The following ERP44 variants were observed in gnomAD, a reference collection of about 807,000 sequenced individuals.
ERP44 encodes the protein endoplasmic reticulum resident protein 44.
A neutral mutation model predicts 53.4 loss-of-function variants in ERP44; 25 were observed. That is an observed-to-expected ratio of 0.47 (90% CI 0.34 to 0.65). ERP44 has a LOEUF of 0.65. Among genes scored for constraint, ERP44 ranks in the 30% least tolerant of loss-of-function variants. ERP44 has a pLI of 0.01. For synonymous variants in ERP44, 145 were observed against 161.2 expected (o/e 0.90, Z 0.76); for missense variants, 338 against 493.2 (o/e 0.69, Z 2.98).
intron 11 of ERP44, 140 bp downstream of exon 11, chr9:99,984,827 G>GAAATTAA: frequency 1.8e-6 from 1 of 552,818 alleles, no homozygotes; most frequent in Non-Finnish European, 3.2e-6. Flanking sequence ...AATTTAAAAG[G>GAAATTAA]TTAATTTCTA....
At chr9:100,029,738 A>C (rs939571588) in intron 4 of ERP44, among the ~76,000 whole-genome samples, 40 of 152,230 alleles carry the variant, frequency 2.6e-4, no homozygotes, top group African/African-American at 8.4e-4. Flanking sequence ...CTGCAGCACT[A>C]TTTACAATAG....
intron 1 of ERP44, among the ~76,000 whole-genome samples, chr9:100,098,408 T>C (rs560163772): frequency 6.6e-6 from 1 of 152,122 alleles, no homozygotes; most frequent in Non-Finnish European, 1.5e-5. Context: ...GACCTCACAC[T>C]CTTCCCAAAT....
At chr9:100,015,778 C>T (rs189694327) in intron 8 of ERP44, among the ~76,000 whole-genome samples, 3 of 152,304 alleles carry the variant, frequency 2.0e-5, no homozygotes, top group Non-Finnish European at 1.5e-5. Flanking sequence ...CGGGATGAAA[C>T]TGTTCCACCT....
chr9:100,070,836 A>G (rs1007728775), intron 1 of ERP44, among the ~76,000 whole-genome samples: 1 of 152,200 alleles, frequency 6.6e-6, no homozygotes, highest in Non-Finnish European at 1.5e-5. Context: ...ATGATAGCCT[A>G]TCTTCATTTG....
At chr9:100,057,789 A>C in intron 3 of ERP44, 31 bp downstream of exon 3, 2 of 1,578,162 alleles carry the variant, frequency 1.3e-6, no homozygotes, top group Non-Finnish European at 1.7e-6. Context: ...AAGTAAAAAC[A>C]AAACCAAACC....
At chr9:99,997,687 G>C (rs1255342343) in intron 10 of ERP44, among the ~76,000 whole-genome samples, 2 of 152,110 alleles carry the variant, frequency 1.3e-5, no homozygotes, top group East Asian at 3.9e-4. Context: ...TCCAAAGACT[G>C]TGAAACCATT....
At chr9:100,079,779 T>C (rs534928124) in intron 1 of ERP44, among the ~76,000 whole-genome samples, 1 of 151,794 alleles carries the variant, frequency 6.6e-6, no homozygotes, top group African/African-American at 2.4e-5. Flanking sequence ...ACTGTAAACA[T>C]AAAAAATTAA....
intron 10 of ERP44, chr9:99,998,203 G>A (rs1830334575): frequency 9.0e-6 from 2 of 221,020 alleles, no homozygotes; most frequent in South Asian, 8.0e-5. Flanking sequence ...CCAGTTTCCT[G>A]GTAAGGAGTA....
chr9:100,023,265 C>T (rs902452830), intron 4 of ERP44, among the ~76,000 whole-genome samples: 1 of 151,662 alleles, frequency 6.6e-6, no homozygotes, highest in Non-Finnish European at 1.5e-5. Flanking sequence ...ATTGGTACTA[C>T]AAATTGAGAA....
At chr9:100,013,435 A>AC (rs796182357) in intron 8 of ERP44, among the ~76,000 whole-genome samples, 2,808 of 149,510 alleles carry the variant, frequency 0.019, 85 homozygotes, top group Admixed American at 0.069. Context: ...AAAAAAAAAA[A>AC]AAAGAATTAT....
chr9:100,004,797 T>G (rs1301076481), intron 10 of ERP44, among the ~76,000 whole-genome samples: 3 of 152,198 alleles, frequency 2.0e-5, no homozygotes, highest in Non-Finnish European at 4.4e-5. Flanking sequence ...TGGATGTATG[T>G]TCAACTTGAT....
At chr9:100,061,054 A>G (rs1048477908) in intron 1 of ERP44, among the ~76,000 whole-genome samples, 3 of 152,232 alleles carry the variant, frequency 2.0e-5, no homozygotes, top group African/African-American at 7.2e-5. Flanking sequence ...CACTTATGAC[A>G]GACTCAAAAC....
Position 99,979,246 on chromosome 9 carries a change from A to AC in ERP44, c.*3365dup, listed in dbSNP as rs397760040. The stretch of plus-strand genomic sequence containing the variant: ...CATATCTCCTTGTAGGAGAAAAAAA[A>AC]CTGAGTTATTCTGTTCTTCCTGATT... On this transcript the variant is annotated 3_prime_UTR_variant, in exon 12 of 12. Transcript: ENST00000262455. 2 of 150,920 alleles carry AC rather than the reference A, an allele frequency of 1.3e-5. No individual in the cohort carries two copies. The highest frequency in any genetic ancestry group is 3.0e-5 in the Non-Finnish European group (2 of 67,646). The allele number at this position is 150,920 out of a possible 1,614,324, so 9.3% of individuals were successfully genotyped here. A position where few individuals can be genotyped will look rare whatever the true frequency, so the allele number is the denominator to read the frequency against.
At position 100,049,248 on chromosome 9, in the gene ERP44, A is replaced by C. The variant is rs1264816508; in HGVS notation, c.286+3169T>G. On this transcript the variant is annotated intron_variant, in intron 4 of 11. Transcript: ENST00000262455. The stretch of plus-strand genomic sequence containing the variant: ...AACATAAGGAGACCTGTCTCTAAAA[A>C]TATTTTTTTAAATTAGCTGGGTGTG... 2.6e-5 allele frequency among the ~76,000 whole-genome samples: 4 copies of C among 152,192 alleles called. No homozygotes were observed. In the East Asian group the frequency reaches 5.8e-4, roughly 22 times the overall value.
chr9:99,988,281 T>C (rs1203503349), intron 10 of ERP44, among the ~76,000 whole-genome samples: 1 of 152,216 alleles, frequency 6.6e-6, no homozygotes, highest in Non-Finnish European at 1.5e-5. Flanking sequence ...TGAAGACCAA[T>C]TTATAAATGA....
At chr9:100,081,893 A>AT (rs1826431026) in intron 1 of ERP44, among the ~76,000 whole-genome samples, 1 of 152,190 alleles carries the variant, frequency 6.6e-6, no homozygotes, top group Non-Finnish European at 1.5e-5. Flanking sequence ...TGCAAATCAC[A>AT]TAACTGCATA....
chr9:100,020,783 A>T, intron 5 of ERP44, 52 bp from the exon 6 acceptor site: 1 of 898,270 alleles, frequency 1.1e-6, no homozygotes, highest in Non-Finnish European at 1.8e-6. Context: ...TTTTATAAAC[A>T]TGTTATTTCA....
rs1290410180 is a variant in ERP44, at chr9:100,046,348, A to G, written c.286+6069T>C. Among the ~76,000 whole-genome samples the G allele has an allele frequency of 5.7e-4, 86 of 152,192 alleles. 1 individual carries two copies. The highest frequency in any genetic ancestry group is 2.8e-4 in the Non-Finnish European group (19 of 68,012). On this transcript the variant is annotated intron_variant, in intron 4 of 11. Transcript: ENST00000262455. ...ACAACAACAAAAAGATATTAAGTGG[A>G]AGAGGGATAAAATCCAAATAAAATC...
chr9:100,020,115 G>T (rs539376548), intron 6 of ERP44, among the ~76,000 whole-genome samples: 1 of 152,308 alleles, frequency 6.6e-6, no homozygotes, highest in South Asian at 2.1e-4. Context: ...ATGGATCAAA[G>T]CCCCAGAGGA....
Sources: allele counts gnomAD v4.1 joint callset (sites outside exome capture counted in the v4.1 genomes callset), GRCh38; gene constraint gnomAD v4.1.1; transcripts MANE v1.5; gene names NCBI Gene and HGNC (gene_info 2026-07-23, HGNC 2026-07-21).